The following TTC28 variants were observed in gnomAD, a reference collection of about 807,000 sequenced individuals.
TTC28 encodes the protein tetratricopeptide repeat protein 28.
Under a neutral mutation model 198.0 loss-of-function variants are expected in TTC28, and 61 were observed. The observed-to-expected ratio is 0.31, with a 90% CI of 0.25 to 0.38. TTC28 has a LOEUF of 0.38. Among genes scored for constraint, TTC28 ranks in the 10% least tolerant of loss-of-function variants. The pLI, the probability that TTC28 is intolerant of heterozygous loss-of-function variation, is 1.00. For missense variants in TTC28, 2,678 were observed against 3,164.0 expected (o/e 0.85, Z 3.69); for synonymous variants, 1,171 against 1,297.8 (o/e 0.90, Z 2.10).
chr22:28,582,660 C>A (rs1198836265), intron 2 of TTC28, among the ~76,000 whole-genome samples: 1 of 151,946 alleles, frequency 6.6e-6, no homozygotes, highest in Non-Finnish European at 1.5e-5. Flanking sequence ...TGGAATGCAT[C>A]TTTTTTGCAA....
chr22:28,156,132 T>A (rs1277973763), intron 6 of TTC28, among the ~76,000 whole-genome samples: 1 of 152,250 alleles, frequency 6.6e-6, no homozygotes, highest in Non-Finnish European at 1.5e-5. Flanking sequence ...CCCTGCAATG[T>A]GTCTATGTCC....
chr22:28,159,214 G>A (rs11912673), intron 6 of TTC28, among the ~76,000 whole-genome samples: 1 of 152,182 alleles, frequency 6.6e-6, no homozygotes, highest in Admixed American at 6.5e-5. Flanking sequence ...TCTCACTCCA[G>A]CTAAAGTGGC....
In TTC28 at chr22:28,108,002, G is replaced by C; in HGVS notation, c.1843C>G (p.Pro615Ala). Reference sequence around the variant, plus strand: ...AGCCGGAGGTACTGTTCATAATAGGGGGCAGCCTGGACATACTCTCCCCGA... The same window carrying C: ...AGCCGGAGGTACTGTTCATAATAGGCGGCAGCCTGGACATACTCTCCCCGA... ...CSRGEYVQAA[P>A]YYEQYLRLAP... Residue 615 changes from proline to alanine, a missense_variant, in exon 7 of 23, where the codon CCC becomes GCC. Physicochemically the swap from Pro to Ala is conservative, Grantham distance 27. This residue lies in a region of TTC28 where 775 missense variants were observed against 845.9 expected (regional missense o/e 0.92). Coordinates refer to ENST00000397906, the MANE Select transcript of TTC28 (RefSeq NM_001145418.2). The C allele has an allele frequency of 6.4e-7, 1 of 1,551,562 alleles. No homozygotes were observed.
Position 27,998,878 on chromosome 22 carries a change from C to T in TTC28, c.4781G>A (p.Ser1594Asn). Residue 1594 changes from serine to asparagine, a missense_variant, in exon 16 of 23, where the codon AGC (serine) becomes AAC (asparagine). By Grantham distance (46) the Ser-to-Asn change is conservative. Transcript: ENST00000397906. ...RVQDDASDGE[S>N]ISDCPPLQEL... ...CTGCAGGGGCGGGCAGTCCGAGATG[C>T]TCTCCCCATCACTGGCATCGTCCTG... is the stretch of plus-strand genomic sequence containing the variant. 1.3e-6 allele frequency: 2 copies of T among 1,550,192 alleles called. No individual in the cohort carries two copies. The highest frequency in any genetic ancestry group is 1.2e-5 in the South Asian group (1 of 84,054).
At chr22:28,194,184 T>G (rs887561030) in intron 5 of TTC28, among the ~76,000 whole-genome samples, 2 of 152,180 alleles carry the variant, frequency 1.3e-5, no homozygotes, top group African/African-American at 4.8e-5. Context: ...CAATGACTAC[T>G]GGGTACATAA....
chr22:27,995,564 G>A (rs985223652), intron 17 of TTC28, among the ~76,000 whole-genome samples: 20 of 152,176 alleles, frequency 1.3e-4, no homozygotes, highest in Admixed American at 5.2e-4. Flanking sequence ...GTTGGGGCAG[G>A]CTGATCAAGG....
At chr22:28,136,496 A>G (rs188403508) in intron 6 of TTC28, among the ~76,000 whole-genome samples, 2 of 152,308 alleles carry the variant, frequency 1.3e-5, no homozygotes, top group African/African-American at 4.8e-5. Context: ...GACAGGTAAT[A>G]TATAGTTCAT....
intron 2 of TTC28, among the ~76,000 whole-genome samples, chr22:28,537,284 C>T (rs896117617): frequency 1.2e-5 from 1 of 85,824 alleles, no homozygotes; most frequent in Non-Finnish European, 2.3e-5. Context: ...CAGAGCCAGA[C>T]TCCGTCTCAA....
chr22:28,247,492 C>T (rs1021412494), intron 5 of TTC28, among the ~76,000 whole-genome samples: 2 of 150,772 alleles, frequency 1.3e-5, no homozygotes, highest in African/African-American at 2.5e-5. Context: ...GAGATGTAGT[C>T]GAGCCTTTAG....
At chr22:28,168,075 C>T (rs1324818052) in intron 5 of TTC28, among the ~76,000 whole-genome samples, 2 of 152,180 alleles carry the variant, frequency 1.3e-5, no homozygotes, top group African/African-American at 4.8e-5. Context: ...TTCACAATTA[C>T]TTCAAAGAGA....
At chr22:28,286,371 T>C (rs1337527245) in intron 5 of TTC28, among the ~76,000 whole-genome samples, 19 of 152,296 alleles carry the variant, frequency 1.2e-4, no homozygotes, top group Non-Finnish European at 1.8e-4. Flanking sequence ...CAAAATATTA[T>C]CACTACATTA....
chr22:28,048,280 C>A (rs1939944830), intron 12 of TTC28, among the ~76,000 whole-genome samples: 1 of 152,078 alleles, frequency 6.6e-6, no homozygotes, highest in Admixed American at 6.6e-5. Flanking sequence ...AGTCTGTGCC[C>A]TCAGAAGTTC....
At chr22:28,001,238 C>T (rs551104520) in intron 15 of TTC28, 136 bp downstream of exon 15, 11 of 1,150,516 alleles carry the variant, frequency 9.6e-6, no homozygotes, top group South Asian at 1.7e-5. Context: ...ACGCTACCTG[C>T]GTGCAAATCA....
At chr22:27,997,408 C>T (rs1420385758) in intron 16 of TTC28, 2 of 152,248 alleles carry the variant, frequency 1.3e-5, no homozygotes, top group East Asian at 1.9e-4. Flanking sequence ...CATCTTTCAA[C>T]AGCATGACCC....
intron 2 of TTC28, among the ~76,000 whole-genome samples, chr22:28,318,485 C>T (rs1461174302): frequency 6.6e-6 from 1 of 152,104 alleles, no homozygotes; most frequent in Non-Finnish European, 1.5e-5. Flanking sequence ...CTTGTTACTG[C>T]TTTGACTTTT....
chr22:28,121,035 A>G lies in TTC28; in HGVS notation c.1442-12632T>C, dbSNP rs551390662. On this transcript the variant is annotated intron_variant, in intron 6 of 22. Coordinates refer to ENST00000397906, the MANE Select transcript of TTC28 (RefSeq NM_001145418.2). ...GAGCAAAATGGGATTAAAATTGTGA[A>G]TCCATTTACTGCTTTCAGTTTTTCT... Among the ~76,000 whole-genome samples the G allele has an allele frequency of 3.3e-5, 5 of 152,334 alleles. No homozygotes were observed. In the South Asian group the frequency reaches 1.0e-3, roughly 32 times the overall value.
At chr22:28,610,553 AG>A (rs2050802958) in intron 2 of TTC28, among the ~76,000 whole-genome samples, 1 of 152,188 alleles carries the variant, frequency 6.6e-6, no homozygotes, top group Non-Finnish European at 1.5e-5. Context: ...TCAACAAAAA[AG>A]GACGTCCACT....
At chr22:28,302,273 A>G (rs1000709639) in intron 3 of TTC28, among the ~76,000 whole-genome samples, 2 of 152,112 alleles carry the variant, frequency 1.3e-5, no homozygotes, top group Non-Finnish European at 2.9e-5. Flanking sequence ...TAAGAAGGAA[A>G]GAGAGGCAAG....
chr22:27,993,194 C>G, intron 18 of TTC28, 93 bp downstream of exon 18: 1 of 1,190,912 alleles, frequency 8.4e-7, no homozygotes, highest in Non-Finnish European at 1.1e-6. Flanking sequence ...GCTGGGAGAT[C>G]CAGCATCCTC....
Sources: allele counts gnomAD v4.1 joint callset (sites outside exome capture counted in the v4.1 genomes callset), GRCh38; gene constraint gnomAD v4.1.1; regional missense constraint gnomAD v4.1.1; transcripts MANE v1.5; gene names NCBI Gene and HGNC (gene_info 2026-07-23, HGNC 2026-07-21).